The following PCDHGA2 variants were observed in gnomAD, a reference collection of about 807,000 sequenced individuals.
The protein encoded by PCDHGA2 is protocadherin gamma-A2.
A neutral mutation model predicts 59.2 loss-of-function variants in PCDHGA2; 40 were observed. The ratio of observed to expected loss-of-function variants is 0.68; its 90% CI spans 0.52 to 0.88. PCDHGA2 has a LOEUF of 0.88. Among genes scored for constraint, PCDHGA2 ranks in the 40% least tolerant of loss-of-function variants. PCDHGA2 has a pLI of 0.00. For missense variants in PCDHGA2, 1,226 were observed against 1,204.0 expected, an observed-to-expected ratio of 1.02 and a Z score of -0.27; for synonymous variants, 560 against 526.0, an observed-to-expected ratio of 1.06 and a Z score of -0.89.
intron 1 of PCDHGA2, chr5:141,361,179 T>C: frequency 6.2e-7 from 1 of 1,613,926 alleles, no homozygotes; most frequent in Non-Finnish European, 8.5e-7. Flanking sequence ...CTGAAGTTAT[T>C]GTGACTTCAG....
chr5:141,400,321 G>A lies in PCDHGA2; in HGVS notation c.2424+58926G>A, dbSNP rs190006023. On this transcript the variant is annotated intron_variant, in intron 1 of 3. Coordinates refer to ENST00000394576, the MANE Select transcript of PCDHGA2 (RefSeq NM_018915.4). ...CCAACCTGGTCTCTGTGTCAAGTCTGGACCTGTGGTTCCCCCCAACTACAG... is the reference window on the plus strand; with the variant it reads ...CCAACCTGGTCTCTGTGTCAAGTCTAGACCTGTGGTTCCCCCCAACTACAG... The A allele has an allele frequency of 9.3e-6, 15 of 1,614,064 alleles. No homozygotes were observed. In the Admixed American group the frequency reaches 2.5e-4, roughly 27 times the overall value.
chr5:141,414,212 A>G (rs778319178), intron 1 of PCDHGA2: 1 of 1,612,944 alleles, frequency 6.2e-7, no homozygotes, highest in Admixed American at 1.7e-5. Flanking sequence ...GATGTAAATG[A>G]CAACAGTCCA....
At chr5:141,494,752 T>G (rs889400984) in intron 1 of PCDHGA2, 55 bp from the exon 2 acceptor site, 6 of 1,612,324 alleles carry the variant, frequency 3.7e-6, no homozygotes, top group East Asian at 2.2e-5. Flanking sequence ...GGGGCTCGGG[T>G]GACATTCTAA....
In PCDHGA2 at chr5:141,485,062, C is replaced by T. The variant is rs2099606141; in HGVS notation, c.2425-9745C>T. 2.3e-6 allele frequency: 2 copies of T among 876,222 alleles called. No individual in the cohort carries two copies. Among genetic ancestry groups the T allele is most frequent in the Non-Finnish European group, 3.6e-6 (2 of 552,684 alleles). 54.3% of individuals were successfully genotyped at this position (876,222 alleles called of 1,614,324 possible). ...CCTTGCGGCGCCGGCCGAACCGCGCCAGAGCTGGCGCGGGGAAAGGGAGAT... is the reference window on the plus strand; with the variant it reads ...CCTTGCGGCGCCGGCCGAACCGCGCTAGAGCTGGCGCGGGGAAAGGGAGAT... On this transcript the variant is annotated intron_variant, in intron 1 of 3. Coordinates refer to ENST00000394576, the MANE Select transcript of PCDHGA2 (RefSeq NM_018915.4). The surrounding 1 kb of genome is among the most constrained non-coding windows in gnomAD (Gnocchi z 5.7).
In PCDHGA2 at chr5:141,372,691, A is replaced by G. The variant is rs780199454; in HGVS notation, c.2424+31296A>G. The G allele has an allele frequency of 9.3e-6, 15 of 1,613,914 alleles. No homozygotes were observed. In the Admixed American group the frequency reaches 1.2e-4, roughly 13 times the overall value. ...TCACATTCCTCAAACACCGAGTTTA[A>G]ATTTCTCAATATAAAGGCTGAAAAT... On this transcript the variant is annotated intron_variant, in intron 1 of 3. Transcript: ENST00000394576.
intron 1 of PCDHGA2, chr5:141,382,931 G>A (rs1415161617): frequency 6.3e-7 from 1 of 1,584,178 alleles, no homozygotes; most frequent in Non-Finnish European, 8.6e-7. Context: ...GGGGACTACA[G>A]AGGATTCTTC....
chr5:141,437,617 C>T (rs570138576), intron 1 of PCDHGA2, among the ~76,000 whole-genome samples: 1 of 152,102 alleles, frequency 6.6e-6, no homozygotes, highest in Admixed American at 6.6e-5. Flanking sequence ...CTGCTTTATC[C>T]CCATATAAGA....
chr5:141,464,263 TAAA>T (rs35224477), intron 1 of PCDHGA2, among the ~76,000 whole-genome samples: 2 of 103,604 alleles, frequency 1.9e-5, no homozygotes, highest in Non-Finnish European at 1.9e-5. Flanking sequence ...AGACTCCGTC[TAAA>T]AAAAAAAAAA....
chr5:141,498,919 CG>C (rs2099786825), intron 2 of PCDHGA2, among the ~76,000 whole-genome samples: 1 of 122,240 alleles, frequency 8.2e-6, no homozygotes, highest in African/African-American at 3.1e-5. Context: ...GGTGACAGAG[CG>C]AGACTCCATC....
intron 1 of PCDHGA2, among the ~76,000 whole-genome samples, chr5:141,448,629 C>T (rs1188418541): frequency 6.6e-6 from 1 of 152,060 alleles, no homozygotes; most frequent in Non-Finnish European, 1.5e-5. Flanking sequence ...CCTTTCTTCA[C>T]ATTATATCCT....
chr5:141,467,672 AT>A (rs1199631144), intron 1 of PCDHGA2, among the ~76,000 whole-genome samples: 1 of 151,634 alleles, frequency 6.6e-6, no homozygotes, highest in Non-Finnish European at 1.5e-5. Context: ...GAAGATTTTT[AT>A]TTTTTTTAGA....
At chr5:141,361,788 A>C in intron 1 of PCDHGA2, 2 of 1,613,154 alleles carry the variant, frequency 1.2e-6, no homozygotes, top group Non-Finnish European at 1.7e-6. Flanking sequence ...TGCGCGTGTT[A>C]GTGGGCGACC....
chr5:141,485,714 G>A lies in PCDHGA2; in HGVS notation c.2425-9093G>A. 6.2e-7 allele frequency: 1 copy of A among 1,614,182 alleles called. No individual in the cohort carries two copies. The highest frequency in any genetic ancestry group is 8.5e-7 in the Non-Finnish European group (1 of 1,180,042). On this transcript the variant is annotated intron_variant, in intron 1 of 3. Transcript: ENST00000394576. This position sits in a 1 kb window ranked among gnomAD's most constrained non-coding sequence, Gnocchi z 5.7. ...GAGCTCCAATGAACACTTTGCACTG[G>A]ATGTGAAGAAGCGCAGCGACGGCAG...
At chr5:141,398,621 ACT>A in intron 1 of PCDHGA2, 3 of 1,613,968 alleles carry the variant, frequency 1.9e-6, no homozygotes, top group Non-Finnish European at 2.5e-6. Flanking sequence ...ATTGGCTTAA[ACT>A]CTCTGCAGAA....
intron 1 of PCDHGA2, chr5:141,388,705 A>G: frequency 6.2e-7 from 1 of 1,613,994 alleles, no homozygotes; most frequent in African/African-American, 1.3e-5. Flanking sequence ...GAGGGTGTCA[A>G]TGCCGAGATT....
chr5:141,427,377 A>C, intron 1 of PCDHGA2: 1 of 458,500 alleles, frequency 2.2e-6, no homozygotes, highest in Non-Finnish European at 4.4e-6. Flanking sequence ...GACGGTGATC[A>C]CTCTGTTCAA....
chr5:141,414,578 A>G, intron 1 of PCDHGA2: 1 of 1,613,960 alleles, frequency 6.2e-7, no homozygotes, highest in Non-Finnish European at 8.5e-7. Context: ...ATCCCAGAGA[A>G]CAACGCCAGG....
chr5:141,392,167 C>T (rs565694057), intron 1 of PCDHGA2: 40 of 152,290 alleles, frequency 2.6e-4, no homozygotes, highest in African/African-American at 7.9e-4. Context: ...ATTTCTGAGT[C>T]AGTCATCTCC....
chr5:141,491,857 G>A lies in PCDHGA2; in HGVS notation c.2425-2950G>A. Reference sequence around the variant, plus strand: ...CTCGGGATCATTGGACCGTTTGCGCGAAACCAGAGTGGCCGATTAAGGGAT... The same window carrying A: ...CTCGGGATCATTGGACCGTTTGCGCAAAACCAGAGTGGCCGATTAAGGGAT... On this transcript the variant is annotated intron_variant, in intron 1 of 3. Transcript: ENST00000394576. This position sits in a 1 kb window ranked among gnomAD's most constrained non-coding sequence, Gnocchi z 6.9. The A allele has an allele frequency of 6.9e-7, 1 of 1,457,470 alleles. No homozygotes were observed. The highest frequency in any genetic ancestry group is 1.5e-5 in the South Asian group (1 of 68,508). The allele number at this position is 1,457,470 out of a possible 1,614,324, so 90.3% of individuals were successfully genotyped here. A position where few individuals can be genotyped will look rare whatever the true frequency, so the allele number is the denominator to read the frequency against.
Sources: gnomAD v4.1 joint callset for allele counts (sites outside exome capture counted in the v4.1 genomes callset) on GRCh38, gnomAD v4.1.1 for gene constraint, Gnocchi (gnomAD v3.1) non-coding constraint, MANE v1.5 for transcripts, NCBI Gene and HGNC (gene_info 2026-07-23, HGNC 2026-07-21) for gene names.